The following PCNX2 variants were observed in gnomAD, a reference collection of about 807,000 sequenced individuals.
The protein encoded by PCNX2 is pecanex-like protein 2.
Under a neutral mutation model 223.8 loss-of-function variants are expected in PCNX2, and 168 were observed. That is an observed-to-expected ratio of 0.75 (90% CI 0.66 to 0.85). The LOEUF is 0.85. Among genes scored for constraint, PCNX2 ranks in the 40% least tolerant of loss-of-function variants. The pLI is 0.00. For synonymous variants in PCNX2, 1,006 were observed against 1,052.6 expected, an observed-to-expected ratio of 0.96 and a Z score of 0.86; for missense variants, 2,507 against 2,675.5, an observed-to-expected ratio of 0.94 and a Z score of 1.39.
chr1:233,296,123 C>G (rs562865531), upstream of PCNX2, among the ~76,000 whole-genome samples: 22 of 151,774 alleles, frequency 1.4e-4, no homozygotes, highest in African/African-American at 5.1e-4. Context: ...TGTCCTTGTC[C>G]TTTTTTGCAC....
At chr1:233,313,520 A>G in the PCNX2 span, among the ~76,000 whole-genome samples, 1 of 152,202 alleles carries the variant, frequency 6.6e-6, no homozygotes, top group Non-Finnish European at 1.5e-5. Flanking sequence ...AACAGATTCA[A>G]CAACAGATTC....
In PCNX2 at chr1:233,258,551, C is replaced by A; in HGVS notation, c.1311G>T (p.Glu437Asp). Reference sequence around the variant, plus strand: ...GACAGGGAACACCTCCTCCCCCACCCTCAGGCAGGTCCAGGGTGATTACAG... The same window carrying A: ...GACAGGGAACACCTCCTCCCCCACCATCAGGCAGGTCCAGGGTGATTACAG... ...SIPVITLDLP[E>D]GGGGGVPCPE... Residue 437 changes from glutamate (E) to aspartate (D), a missense_variant, in exon 5 of 34, where the codon GAG (glutamate) becomes GAT (aspartate). Coordinates refer to ENST00000258229, the MANE Select transcript of PCNX2 (RefSeq NM_014801.4). 1 of 1,613,998 alleles carries A rather than the reference C, an allele frequency of 6.2e-7. No homozygotes were observed. Among genetic ancestry groups the A allele is most frequent in the Admixed American group, 1.7e-5 (1 of 60,024 alleles).
the PCNX2 span, among the ~76,000 whole-genome samples, chr1:233,313,588 G>A: frequency 6.6e-6 from 1 of 151,868 alleles, no homozygotes; most frequent in Admixed American, 6.6e-5. Context: ...AGAGAAAGTG[G>A]GGAGGGAATG....
rs779363027 is a variant in PCNX2 at position 233,179,171 on chromosome 1, G to T, written c.3071C>A (p.Pro1024Gln). ...TGCCGGGATGTGTTGCATGCTCCAC[G>T]GTTCCTAAAGAAAAGACATCAGTTA... is the stretch of plus-strand genomic sequence containing the variant. ...HAVCFSAVKE[P>Q]WSMQHIPALF... The change falls in exon 16 of 34, where the codon CCG (proline) becomes CAG (glutamine). Residue 1024 changes from proline (P) to glutamine (Q), a missense_variant. Pro to Gln is a moderately conservative substitution (Grantham distance 76). This residue lies in a region of PCNX2 where 1,372 missense variants were observed against 1,509.4 expected (regional missense o/e 0.91). Coordinates refer to ENST00000258229, the MANE Select transcript of PCNX2 (RefSeq NM_014801.4). The T allele has an allele frequency of 1.9e-5, 30 of 1,613,474 alleles. No individual in the cohort carries two copies. The highest frequency in any genetic ancestry group is 1.3e-4 in the Admixed American group (8 of 59,986).
At chr1:233,256,076 G>A (rs1378353364) in intron 5 of PCNX2, among the ~76,000 whole-genome samples, 1 of 152,046 alleles carries the variant, frequency 6.6e-6, no homozygotes, top group Non-Finnish European at 1.5e-5. Flanking sequence ...GTACCTTCAA[G>A]TTCTTGATAA....
chr1:233,008,941 A>G (rs1049719313), intron 28 of PCNX2, among the ~76,000 whole-genome samples: 2 of 152,190 alleles, frequency 1.3e-5, no homozygotes, highest in South Asian at 4.1e-4. Flanking sequence ...GGGCCACCCC[A>G]GGGAAGTGTC....
intron 31 of PCNX2, 52 bp downstream of exon 31, chr1:232,999,053 C>G (rs1432917293): frequency 1.3e-6 from 2 of 1,539,490 alleles, no homozygotes; most frequent in East Asian, 4.5e-5. Context: ...TCCCTGCATC[C>G]CCCACACCTT....
intron 23 of PCNX2, among the ~76,000 whole-genome samples, chr1:233,063,880 A>G (rs1220385469): frequency 1.3e-5 from 2 of 152,026 alleles, no homozygotes; most frequent in African/African-American, 4.8e-5. Context: ...ACTGCTTTCT[A>G]GTTTAGCTGT....
chr1:233,018,594 A>C (rs1670767386), intron 26 of PCNX2, among the ~76,000 whole-genome samples: 2 of 152,200 alleles, frequency 1.3e-5, no homozygotes, highest in Admixed American at 1.3e-4. Flanking sequence ...GCCTCAAGAA[A>C]TAGAAATGGG....
chr1:233,236,411 C>T (rs1362154152), intron 9 of PCNX2, among the ~76,000 whole-genome samples: 2 of 151,926 alleles, frequency 1.3e-5, no homozygotes, highest in South Asian at 2.1e-4. Flanking sequence ...ATGTTACTTG[C>T]CCCAAGAATA....
chr1:233,325,517 C>A, the PCNX2 span, among the ~76,000 whole-genome samples: 878 of 112,474 alleles, frequency 7.8e-3, 5 homozygotes, highest in South Asian at 0.04. Flanking sequence ...AAAAAAAAAA[C>A]CAAAAAAAAT....
intron 13 of PCNX2, among the ~76,000 whole-genome samples, chr1:233,207,958 ATT>A (rs1395612620): frequency 1.4e-5 from 2 of 145,978 alleles, no homozygotes. Flanking sequence ...ATGAGCATTT[ATT>A]TTTTTTTTTT....
At chr1:233,238,419 A>G (rs1296671111) in intron 8 of PCNX2, among the ~76,000 whole-genome samples, 1 of 152,208 alleles carries the variant, frequency 6.6e-6, no homozygotes, top group African/African-American at 2.4e-5. Flanking sequence ...AGCTGGGCGC[A>G]GTAGCTGATG....
chr1:233,105,973 T>C (rs756330023), intron 21 of PCNX2, among the ~76,000 whole-genome samples: 1 of 152,188 alleles, frequency 6.6e-6, no homozygotes, highest in Non-Finnish European at 1.5e-5. Context: ...TGTGTGTTTC[T>C]GCATGTGTTG....
chr1:233,220,135 T>C (rs1465546837), intron 10 of PCNX2, among the ~76,000 whole-genome samples: 3 of 152,254 alleles, frequency 2.0e-5, no homozygotes, highest in African/African-American at 7.2e-5. Context: ...TTATCTCTTA[T>C]AGCATCTCAT....
At chr1:233,105,479 G>A (rs1674713295) in intron 21 of PCNX2, among the ~76,000 whole-genome samples, 1 of 152,074 alleles carries the variant, frequency 6.6e-6, no homozygotes. Context: ...TCAGACAAGA[G>A]GCATTAAACA....
At chr1:233,022,989 G>A (rs562709790) in intron 26 of PCNX2, among the ~76,000 whole-genome samples, 5 of 152,164 alleles carry the variant, frequency 3.3e-5, no homozygotes, top group African/African-American at 7.2e-5. Flanking sequence ...GAGCCACTGC[G>A]CCGGGATGAG....
chr1:233,212,046 G>A (rs975152361), intron 12 of PCNX2, among the ~76,000 whole-genome samples: 3 of 152,198 alleles, frequency 2.0e-5, no homozygotes, highest in Admixed American at 6.5e-5. Flanking sequence ...TCACAATGGT[G>A]TAGGTTAGTT....
chr1:233,163,511 C>A (rs1678619281), intron 17 of PCNX2, among the ~76,000 whole-genome samples: 1 of 151,514 alleles, frequency 6.6e-6, no homozygotes, highest in African/African-American at 2.4e-5. Context: ...TACAACTTAA[C>A]AAGTTTATAT....
Sources: allele counts gnomAD v4.1 joint callset (sites outside exome capture counted in the v4.1 genomes callset), GRCh38; gene constraint gnomAD v4.1.1; regional missense constraint gnomAD v4.1.1; transcripts MANE v1.5; gene names NCBI Gene and HGNC (gene_info 2026-07-23, HGNC 2026-07-21).